ZFAT: variants seen among roughly 807,000 people sequenced by gnomAD.
The protein encoded by ZFAT is zinc finger and AT-hook domain containing, also known as zinc finger protein ZFAT.
ZFAT carries 64 observed loss-of-function variants against 117.7 expected under a neutral mutation model. The ratio of observed to expected loss-of-function variants is 0.54; its 90% CI spans 0.44 to 0.67. The LOEUF is 0.67. ZFAT is among the 30% of genes least tolerant of loss of function. The probability of loss-of-function intolerance (pLI) is 0.00; values close to 1 mark genes in which losing one functional copy is unlikely to be tolerated. For synonymous variants in ZFAT, 679 were observed against 615.0 expected, an observed-to-expected ratio of 1.10 and a Z score of -1.54; for missense variants, 1,433 against 1,584.5, an observed-to-expected ratio of 0.90 and a Z score of 1.62.
At chr8:134,757,687 T>C in the ZFAT span, among the ~76,000 whole-genome samples, 1 of 152,232 alleles carries the variant, frequency 6.6e-6, no homozygotes. Context: ...AATGATTTGA[T>C]GGAAAGAGAT....
chr8:134,528,677 C>G (rs951091090), intron 12 of ZFAT, among the ~76,000 whole-genome samples: 1 of 152,240 alleles, frequency 6.6e-6, no homozygotes, highest in African/African-American at 2.4e-5. Flanking sequence ...CACCCTTACA[C>G]TTCAATGACT....
intron 15 of ZFAT, among the ~76,000 whole-genome samples, chr8:134,507,520 T>C (rs1450555719): frequency 6.6e-6 from 1 of 152,232 alleles, no homozygotes; most frequent in Non-Finnish European, 1.5e-5. Flanking sequence ...CACTCTTTGC[T>C]GTGTTTGCAA....
At chr8:134,740,205 A>C in the ZFAT span, among the ~76,000 whole-genome samples, 1 of 152,206 alleles carries the variant, frequency 6.6e-6, no homozygotes. Context: ...GGAGGCACCC[A>C]TTCCCTTCTA....
At chr8:134,788,549 A>C in the ZFAT span, among the ~76,000 whole-genome samples, 5 of 152,144 alleles carry the variant, frequency 3.3e-5, no homozygotes, top group Non-Finnish European at 7.4e-5. Flanking sequence ...TGATAAATTT[A>C]CTTGAAGAAA....
chr8:134,495,568 C>A (rs556366893), intron 15 of ZFAT, among the ~76,000 whole-genome samples: 1 of 152,276 alleles, frequency 6.6e-6, no homozygotes, highest in South Asian at 2.1e-4. Flanking sequence ...TGATTTTGAG[C>A]CACAATCATG....
At chr8:134,674,018 G>A (rs1361355283) in intron 1 of ZFAT, among the ~76,000 whole-genome samples, 1 of 152,244 alleles carries the variant, frequency 6.6e-6, no homozygotes, top group East Asian at 1.9e-4. Flanking sequence ...GCAGCTCCCA[G>A]TGAGAGCGAA....
At chr8:134,814,800 A>C in the ZFAT span, among the ~76,000 whole-genome samples, 3 of 152,322 alleles carry the variant, frequency 2.0e-5, no homozygotes, top group East Asian at 5.8e-4. Context: ...CAATACCCTA[A>C]GTCCAAAGAT....
chr8:134,589,957 T>C (rs913842952), intron 8 of ZFAT, among the ~76,000 whole-genome samples: 3 of 152,156 alleles, frequency 2.0e-5, no homozygotes, highest in Non-Finnish European at 4.4e-5. Flanking sequence ...TAACACAAGC[T>C]TATGACAACA....
chr8:134,772,455 A>G, the ZFAT span, among the ~76,000 whole-genome samples: 3 of 152,214 alleles, frequency 2.0e-5, no homozygotes, highest in Admixed American at 2.0e-4. Flanking sequence ...CGCTTAAGCC[A>G]AAGTCTAATC....
At chr8:134,657,817 G>T in intron 1 of ZFAT, 80 bp from the exon 2 acceptor site, 1 of 1,464,404 alleles carries the variant, frequency 6.8e-7, no homozygotes, top group Non-Finnish European at 9.2e-7. Flanking sequence ...AGACAATACC[G>T]AAAGCTGCCC....
chr8:134,528,911 G>A (rs951142449), intron 12 of ZFAT, among the ~76,000 whole-genome samples: 5 of 152,324 alleles, frequency 3.3e-5, no homozygotes, highest in East Asian at 1.9e-4. Context: ...CACTGTAGGC[G>A]CTTGAGAGAT....
chr8:134,605,849 C>A (rs965705810), intron 5 of ZFAT, among the ~76,000 whole-genome samples: 3 of 152,194 alleles, frequency 2.0e-5, no homozygotes, highest in African/African-American at 7.2e-5. Flanking sequence ...CCCTCTGGAG[C>A]TCACCTTCCA....
intron 5 of ZFAT, among the ~76,000 whole-genome samples, chr8:134,606,146 A>G (rs1827873765): frequency 6.6e-6 from 1 of 152,236 alleles, no homozygotes; most frequent in African/African-American, 2.4e-5. Flanking sequence ...TGGCTGGAAC[A>G]GATGGCAGCA....
intron 10 of ZFAT, among the ~76,000 whole-genome samples, chr8:134,580,581 A>T (rs1047083458): frequency 2.6e-5 from 4 of 152,298 alleles, no homozygotes; most frequent in East Asian, 1.9e-4. Context: ...TAAGCTTCAT[A>T]AAAAAATTAA....
intron 1 of ZFAT, among the ~76,000 whole-genome samples, chr8:134,690,319 C>T (rs1216073097): frequency 6.6e-6 from 1 of 152,178 alleles, no homozygotes; most frequent in East Asian, 1.9e-4. Flanking sequence ...AGTCCCTGTC[C>T]GCACTGTTAC....
intron 12 of ZFAT, among the ~76,000 whole-genome samples, chr8:134,521,417 C>A (rs1820646677): frequency 6.6e-6 from 1 of 152,086 alleles, no homozygotes; most frequent in Non-Finnish European, 1.5e-5. Flanking sequence ...TCTCCTTTGT[C>A]CCAAAACACT....
the ZFAT span, among the ~76,000 whole-genome samples, chr8:134,769,103 G>A: frequency 6.6e-6 from 1 of 152,214 alleles, no homozygotes; most frequent in South Asian, 2.1e-4. Flanking sequence ...AACCCAGGAG[G>A]TGGAGGTTGC....
chr8:134,635,881 C>T (rs1586860900), intron 3 of ZFAT, among the ~76,000 whole-genome samples: 2 of 152,200 alleles, frequency 1.3e-5, no homozygotes, highest in African/African-American at 4.8e-5. Flanking sequence ...TCTGAAATGA[C>T]AGCACTCCGG....
intron 2 of ZFAT, among the ~76,000 whole-genome samples, chr8:134,655,087 C>T (rs1241180382): frequency 6.6e-6 from 1 of 152,122 alleles, no homozygotes; most frequent in Non-Finnish European, 1.5e-5. Flanking sequence ...CCTTTGCATT[C>T]AGTTGCTCCT....
Sources: allele counts gnomAD v4.1 joint callset (sites outside exome capture counted in the v4.1 genomes callset), GRCh38; gene constraint gnomAD v4.1.1; transcripts MANE v1.5; gene names NCBI Gene and HGNC (gene_info 2026-07-23, HGNC 2026-07-21).